Variants in VPS50 observed in about 807,000 individuals in gnomAD.
VPS50 encodes the protein syndetin.
In VPS50, 70 loss-of-function variants were observed where a neutral mutation model predicts 139.7. The observed-to-expected ratio is 0.50, with a 90% confidence interval of 0.41 to 0.61. VPS50 has a LOEUF of 0.61. Ranked by LOEUF, VPS50 falls within the 20% of genes least tolerant of loss-of-function variation. The pLI is 0.00. For synonymous variants in VPS50, 365 were observed against 376.7 expected, an observed-to-expected ratio of 0.97 and a Z score of 0.36; for missense variants, 921 against 1,133.7, an observed-to-expected ratio of 0.81 and a Z score of 2.69.
chr7:93,341,214 G>A (rs1401872150), intron 22 of VPS50, among the ~76,000 whole-genome samples: 3 of 152,136 alleles, frequency 2.0e-5, no homozygotes, highest in African/African-American at 4.8e-5. Flanking sequence ...AGCATGTAGA[G>A]TTGGATGATA....
At chr7:93,284,892 T>A (rs1295901831) in intron 12 of VPS50, among the ~76,000 whole-genome samples, 1 of 152,170 alleles carries the variant, frequency 6.6e-6, no homozygotes, top group Non-Finnish European at 1.5e-5. Flanking sequence ...GCTGGAAACT[T>A]CTTAAGATAA....
At chr7:93,352,209 T>C (rs1798582329) in intron 25 of VPS50, among the ~76,000 whole-genome samples, 1 of 152,166 alleles carries the variant, frequency 6.6e-6, no homozygotes, top group Non-Finnish European at 1.5e-5. Context: ...AAATATTGAA[T>C]TATGACTCTT....
intron 27 of VPS50, among the ~76,000 whole-genome samples, chr7:93,357,938 C>G (rs2117101487): frequency 6.6e-6 from 1 of 152,022 alleles, no homozygotes; most frequent in Non-Finnish European, 1.5e-5. Flanking sequence ...CAGAAAAATA[C>G]TTCATCAGTA....
Position 93,323,712 on chromosome 7 carries a change from T to C in VPS50, c.1957T>C (p.Phe653Leu). The change falls in exon 21 of 28, where the codon TTT (phenylalanine) becomes CTT (leucine). Residue 653 changes from phenylalanine to leucine, a missense_variant. By Grantham distance (22) the Phe-to-Leu change is conservative. Transcript: ENST00000305866. Reference sequence around the variant, plus strand: ...TTATTACTTGTATGCAATATATACCTTTTTTGGTCGGAATGATTCAGTAAG... The same window carrying C: ...TTATTACTTGTATGCAATATATACCCTTTTTGGTCGGAATGATTCAGTAAG... ...FDYYLYAIYT[F>L]FGRNDSLEST... is the part of the protein sequence containing the mutation. 7.1e-7 allele frequency: 1 copy of C among 1,417,154 alleles called. No individual in the cohort carries two copies. The highest frequency in any genetic ancestry group is 9.4e-7 in the Non-Finnish European group (1 of 1,058,648). 87.8% of individuals were successfully genotyped at this position (1,417,154 alleles called of 1,614,324 possible).
intron 2 of VPS50, among the ~76,000 whole-genome samples, chr7:93,251,741 T>C (rs1424815824): frequency 9.2e-5 from 14 of 152,214 alleles, no homozygotes; most frequent in Admixed American, 9.2e-4. Context: ...AGTATTTTTA[T>C]TGTGTTATTT....
chr7:93,305,358 G>A (rs190962368), intron 17 of VPS50, among the ~76,000 whole-genome samples: 8 of 152,032 alleles, frequency 5.3e-5, no homozygotes, highest in South Asian at 4.1e-4. Flanking sequence ...GTTTGTAGGC[G>A]TCAATGTAAC....
At chr7:93,253,233 G>A (rs1355410403) in intron 3 of VPS50, among the ~76,000 whole-genome samples, 1 of 152,146 alleles carries the variant, frequency 6.6e-6, no homozygotes. Flanking sequence ...ACCAAATGCT[G>A]TATGCATATA....
intron 5 of VPS50, 30 bp downstream of exon 5, chr7:93,256,592 A>C: frequency 8.2e-7 from 1 of 1,217,792 alleles, no homozygotes; most frequent in East Asian, 2.6e-5. Flanking sequence ...TTTTTGTAGT[A>C]GAATTTTTAA....
rs1298163167 is a variant in VPS50 at position 93,287,011 on chromosome 7, A to T, written c.943-4692A>T. Among the ~76,000 whole-genome samples, 57 of 146,460 alleles carry T rather than the reference A, an allele frequency of 3.9e-4. 1 individual carries two copies. Among genetic ancestry groups the T allele is most frequent in the African/African-American group, 1.2e-3 (48 of 39,102 alleles). On this transcript the variant is annotated intron_variant, in intron 12 of 27. Transcript: ENST00000305866. ...AAACGTTGTTTTTTTTTTTTTTTTA[A>T]AAAAAAAACTACCCCACCTTGCCTT... is the stretch of plus-strand genomic sequence containing the variant.
Position 93,343,628 on chromosome 7 carries a change from AG to A in VPS50, c.2207+2054del, listed in dbSNP as rs552270062. ...AAGGGAAGCCCATCAGACTAACAGC[AG>A]ATCTCTCGGCAGAAACTCTACAAGC... On this transcript the variant is annotated intron_variant, in intron 23 of 27. Coordinates refer to ENST00000305866, the MANE Select transcript of VPS50 (RefSeq NM_017667.4). Among the ~76,000 whole-genome samples, 59 of 152,332 alleles carry A rather than the reference AG, an allele frequency of 3.9e-4. 2 individuals are homozygous for A. The South Asian group carries it at 0.012, about 30-fold the overall frequency.
intron 4 of VPS50, 148 bp downstream of exon 4, chr7:93,254,079 T>C (rs1242671685): frequency 1.6e-5 from 8 of 491,926 alleles, no homozygotes; most frequent in Non-Finnish European, 2.2e-5. Flanking sequence ...AAATGATGCA[T>C]TTACATTAAA....
At chr7:93,255,468 C>T (rs2116830464) in intron 4 of VPS50, among the ~76,000 whole-genome samples, 1 of 152,286 alleles carries the variant, frequency 6.6e-6, no homozygotes, top group Non-Finnish European at 1.5e-5. Flanking sequence ...TTCGCTTGCT[C>T]ACCTGCCACT....
At chr7:93,271,905 A>G (rs997960925) in intron 10 of VPS50, among the ~76,000 whole-genome samples, 8 of 151,752 alleles carry the variant, frequency 5.3e-5, no homozygotes, top group Admixed American at 3.9e-4. Flanking sequence ...TGGACTTTCA[A>G]ATTACCTTTT....
intron 26 of VPS50, 141 bp from the exon 27 acceptor site, chr7:93,355,750 G>C: frequency 2.1e-6 from 1 of 482,992 alleles, no homozygotes; most frequent in Non-Finnish European, 3.7e-6. Flanking sequence ...CTGACTCAAG[G>C]CTTATGTTCT....
chr7:93,288,112 C>G (rs1232077415), intron 12 of VPS50, among the ~76,000 whole-genome samples: 1 of 152,062 alleles, frequency 6.6e-6, no homozygotes, highest in Non-Finnish European at 1.5e-5. Context: ...ACTTACAAAA[C>G]CATCAGATCT....
chr7:93,331,234 T>C (rs1369553081), intron 21 of VPS50, among the ~76,000 whole-genome samples: 3 of 129,160 alleles, frequency 2.3e-5, no homozygotes, highest in African/African-American at 7.5e-5. Flanking sequence ...GTAACAAGGT[T>C]TTTTTTTTTT....
chr7:93,243,092 C>T (rs1266364263), intron 2 of VPS50, among the ~76,000 whole-genome samples: 1 of 151,898 alleles, frequency 6.6e-6, no homozygotes, highest in Admixed American at 6.6e-5. Context: ...CAATCTGATC[C>T]TGTGCCCGAT....
At chr7:93,277,401 A>T (rs1796190286) in intron 12 of VPS50, among the ~76,000 whole-genome samples, 1 of 152,218 alleles carries the variant, frequency 6.6e-6, no homozygotes, top group Non-Finnish European at 1.5e-5. Context: ...GTTTTCTCTA[A>T]TGTCAAGTCA....
At chr7:93,258,981 T>TTG (rs1584397090) in intron 8 of VPS50, among the ~76,000 whole-genome samples, 4 of 152,088 alleles carry the variant, frequency 2.6e-5, no homozygotes, top group Admixed American at 6.5e-5. Context: ...TTCTGTATAA[T>TTG]TGTTTTATTA....
Sources: gnomAD v4.1 joint callset for allele counts (sites outside exome capture counted in the v4.1 genomes callset) on GRCh38, gnomAD v4.1.1 for gene constraint, MANE v1.5 for transcripts, NCBI Gene and HGNC (gene_info 2026-07-23, HGNC 2026-07-21) for gene names.